SLCO3A1: variants seen among roughly 807,000 people sequenced by gnomAD.
SLCO3A1 encodes PGE1 transporter.
In SLCO3A1, 27 loss-of-function variants were observed where a neutral mutation model predicts 63.1. The observed-to-expected ratio is 0.43, with a 90% confidence interval of 0.32 to 0.59. SLCO3A1 has a LOEUF of 0.59. Among genes scored for constraint, SLCO3A1 ranks in the 20% least tolerant of loss-of-function variants. The pLI is 0.09. For missense variants in SLCO3A1, 773 were observed against 945.8 expected (o/e 0.82, Z 2.40); for synonymous variants, 473 against 409.9 (o/e 1.15, Z -1.86).
chr15:92,114,942 T>C (rs1422324820), intron 4 of SLCO3A1, among the ~76,000 whole-genome samples: 5 of 152,200 alleles, frequency 3.3e-5, no homozygotes. Context: ...GGAATGATAA[T>C]GTTAAGACGA....
chr15:92,079,897 C>G (rs547928268), intron 2 of SLCO3A1, among the ~76,000 whole-genome samples: 47 of 152,372 alleles, frequency 3.1e-4, no homozygotes, highest in African/African-American at 9.6e-4. Flanking sequence ...AAACCTGCAT[C>G]TGAGAGGATG....
chr15:91,958,592 G>A (rs1256427777), intron 2 of SLCO3A1, among the ~76,000 whole-genome samples: 1 of 152,120 alleles, frequency 6.6e-6, no homozygotes, highest in Admixed American at 6.5e-5. Context: ...GTATTTATTA[G>A]CCCTTATACT....
At chr15:91,914,815 G>C (rs1006709771) in intron 1 of SLCO3A1, among the ~76,000 whole-genome samples, 10 of 152,066 alleles carry the variant, frequency 6.6e-5, no homozygotes, top group Admixed American at 2.0e-4. Flanking sequence ...CAAGTGACCT[G>C]CCCACCTCGG....
chr15:92,047,816 TC>T (rs2046908498), intron 2 of SLCO3A1, among the ~76,000 whole-genome samples: 1 of 150,734 alleles, frequency 6.6e-6, no homozygotes, highest in Non-Finnish European at 1.5e-5. Context: ...TTGAGCCTCT[TC>T]CTGCTCAGCC....
chr15:92,168,844 T>C (rs374708361), downstream of SLCO3A1, among the ~76,000 whole-genome samples: 4 of 152,242 alleles, frequency 2.6e-5, no homozygotes, highest in East Asian at 5.8e-4. Flanking sequence ...ATAGTCTACA[T>C]TCCCATATAG....
chr15:92,162,634 CTT>C (rs1243130219), intron 9 of SLCO3A1, 120 bp from the exon 10 acceptor site: 1 of 1,472,370 alleles, frequency 6.8e-7, no homozygotes, highest in African/African-American at 1.4e-5. Context: ...CTGAGCATGT[CTT>C]TGAGCCACGG....
At position 91,942,895 on chromosome 15, in the gene SLCO3A1, T is replaced by A. The variant is rs189926029; in HGVS notation, c.646+26437T>A. ...CTGGAAATCTTAAGGGGAGTTCCCC[T>A]ATTGATCAGACAGAGCAGAACTGCT... On this transcript the variant is annotated intron_variant, in intron 2 of 9. Coordinates refer to ENST00000318445, the MANE Select transcript of SLCO3A1 (RefSeq NM_013272.4). This position sits in a 1 kb window ranked among gnomAD's most constrained non-coding sequence, Gnocchi z 4.1. 3.5e-4 allele frequency among the ~76,000 whole-genome samples: 54 copies of A among 152,292 alleles called. 1 individual carries two copies. The highest frequency in any genetic ancestry group is 3.4e-3 in the Middle Eastern group (1 of 294).
At chr15:92,025,408 G>A (rs2046560618) in intron 2 of SLCO3A1, among the ~76,000 whole-genome samples, 1 of 152,178 alleles carries the variant, frequency 6.6e-6, no homozygotes, top group South Asian at 2.1e-4. Flanking sequence ...AGGCACAAAA[G>A]CTAATTGCAG....
intron 2 of SLCO3A1, among the ~76,000 whole-genome samples, chr15:91,972,718 A>T (rs1217992305): frequency 6.6e-6 from 1 of 152,212 alleles, no homozygotes; most frequent in Non-Finnish European, 1.5e-5. Context: ...AGGTCAGGAC[A>T]GAGGCCCAGG....
intron 4 of SLCO3A1, among the ~76,000 whole-genome samples, chr15:92,113,914 C>T (rs576342281): frequency 1.6e-4 from 25 of 152,338 alleles, no homozygotes; most frequent in African/African-American, 5.8e-4. Flanking sequence ...TTTCTTGAAC[C>T]GCCCTGTTTG....
rs1020508047 is a variant in SLCO3A1 at position 92,033,962 on chromosome 15, A to G, written c.647-60919A>G. Reference sequence around the variant, plus strand: ...GGGTGGGACCCAGTGAGGGAGGGGGAGGAGCAGAATGAATGGGGGCGCCAT... The same window carrying G: ...GGGTGGGACCCAGTGAGGGAGGGGGGGGAGCAGAATGAATGGGGGCGCCAT... On this transcript the variant is annotated intron_variant, in intron 2 of 9. Transcript: ENST00000318445. This position sits in a 1 kb window ranked among gnomAD's most constrained non-coding sequence, Gnocchi z 4.5. 9.2e-5 allele frequency among the ~76,000 whole-genome samples: 14 copies of G among 151,370 alleles called. No individual in the cohort carries two copies. The highest frequency in any genetic ancestry group is 1.8e-4 in the Non-Finnish European group (12 of 67,876).
chr15:91,880,122 C>T (rs558683657), intron 1 of SLCO3A1, among the ~76,000 whole-genome samples: 5 of 112,982 alleles, frequency 4.4e-5, no homozygotes, highest in South Asian at 2.7e-4. Flanking sequence ...TCCGTCCGTC[C>T]GTCCGTCCGT....
intron 2 of SLCO3A1, among the ~76,000 whole-genome samples, chr15:91,991,417 C>T (rs1397409565): frequency 1.3e-5 from 2 of 152,104 alleles, no homozygotes; most frequent in Non-Finnish European, 2.9e-5. Flanking sequence ...ATTAAAATCA[C>T]CTTTTAGGCT....
At chr15:91,966,911 T>C (rs1486002266) in intron 2 of SLCO3A1, among the ~76,000 whole-genome samples, 1 of 152,130 alleles carries the variant, frequency 6.6e-6, no homozygotes, top group Admixed American at 6.6e-5. Context: ...GCTGCACCAA[T>C]TATGTTGTGT....
chr15:92,155,037 G>GT (rs1374242803), intron 9 of SLCO3A1, among the ~76,000 whole-genome samples: 5 of 152,178 alleles, frequency 3.3e-5, no homozygotes, highest in African/African-American at 1.2e-4. Context: ...TTGAGAGTGA[G>GT]TTAATGAAAG....
intron 2 of SLCO3A1, among the ~76,000 whole-genome samples, chr15:92,035,469 G>A (rs1268803942): frequency 1.3e-5 from 2 of 151,684 alleles, no homozygotes; most frequent in African/African-American, 4.8e-5. Flanking sequence ...ATTCTAAGAA[G>A]ACTCTTGGGC....
intron 2 of SLCO3A1, among the ~76,000 whole-genome samples, chr15:92,061,535 GT>G (rs1413370226): frequency 6.6e-6 from 1 of 152,220 alleles, no homozygotes; most frequent in Non-Finnish European, 1.5e-5. Context: ...CTCCAGAAGT[GT>G]CCTCTTACTG....
At chr15:92,170,794 A>T, downstream of SLCO3A1, 1 of 152,198 alleles carries the variant, frequency 6.6e-6, no homozygotes, top group Non-Finnish European at 1.5e-5. Flanking sequence ...CCTCCTTCCT[A>T]CTTCAACCTT....
In SLCO3A1 at chr15:91,901,300, C is replaced by T. The variant is rs564356812; in HGVS notation, c.181-14693C>T. ...CCTCCTTTGTAGTTTTGTTGTCAAACGTATTACATCTATATCTTATAAATG... is the reference window on the plus strand; with the variant it reads ...CCTCCTTTGTAGTTTTGTTGTCAAATGTATTACATCTATATCTTATAAATG... On this transcript the variant is annotated intron_variant, in intron 1 of 9. Coordinates refer to ENST00000318445, the MANE Select transcript of SLCO3A1 (RefSeq NM_013272.4). Among the ~76,000 whole-genome samples the T allele has an allele frequency of 7.2e-5, 11 of 152,256 alleles. No homozygotes were observed. The South Asian group carries it at 1.7e-3, about 23-fold the overall frequency.
Sources: gnomAD v4.1 joint callset for allele counts (sites outside exome capture counted in the v4.1 genomes callset) on GRCh38, gnomAD v4.1.1 for gene constraint, Gnocchi (gnomAD v3.1) non-coding constraint, MANE v1.5 for transcripts, NCBI Gene and HGNC (gene_info 2026-07-23, HGNC 2026-07-21) for gene names.